RPA3: variants seen among roughly 807,000 people sequenced by gnomAD.
RPA3 encodes the protein replication protein A 14 kDa subunit.
A neutral mutation model predicts 13.7 loss-of-function variants in RPA3; 24 were observed. The observed-to-expected ratio is 1.75, with a 90% confidence interval of 1.27 to 2.46. The LOEUF is 2.46. Among genes scored for constraint, RPA3 ranks in the 30% most tolerant of loss-of-function variants. The pLI, the probability that RPA3 is intolerant of heterozygous loss-of-function variation, is 0.00. For synonymous variants in RPA3, 59 were observed against 51.2 expected (o/e 1.15, Z -0.65); for missense variants, 183 against 151.0 (o/e 1.21, Z -1.11).
chr7:7,714,789 G>C (rs1345914497), intron 2 of RPA3, among the ~76,000 whole-genome samples: 1 of 151,952 alleles, frequency 6.6e-6, no homozygotes, highest in Non-Finnish European at 1.5e-5. Flanking sequence ...AGGATTTAGG[G>C]TGTTGGGCAC....
intron 4 of RPA3, among the ~76,000 whole-genome samples, chr7:7,660,845 C>T (rs1241593891): frequency 1.3e-5 from 2 of 152,146 alleles, no homozygotes; most frequent in African/African-American, 2.4e-5. Context: ...TGAATGTTGG[C>T]CTGTCTTGCT....
chr7:7,640,595 A>G lies in RPA3; in HGVS notation c.-177T>C. 1 of 628,716 alleles carries G rather than the reference A, an allele frequency of 1.6e-6. No individual in the cohort carries two copies. Among genetic ancestry groups the G allele is most frequent in the South Asian group, 1.8e-5 (1 of 54,788 alleles). The allele number at this position is 628,716 out of a possible 1,614,324, so 38.9% of individuals were successfully genotyped here. A position where few individuals can be genotyped will look rare whatever the true frequency, so the allele number is the denominator to read the frequency against. ...ATCGCGCTGTCTCTGAAAGGGGTGGAGAAGGGGCTGGATGAGTCCGGAAGT... is the reference window on the plus strand; with the variant it reads ...ATCGCGCTGTCTCTGAAAGGGGTGGGGAAGGGGCTGGATGAGTCCGGAAGT... On this transcript the variant is annotated 5_prime_UTR_variant, in exon 5 of 8. Coordinates refer to ENST00000223129, the MANE Select transcript of RPA3 (RefSeq NM_002947.5).
chr7:7,689,934 T>C (rs1009240462), intron 2 of RPA3, among the ~76,000 whole-genome samples: 5 of 152,210 alleles, frequency 3.3e-5, no homozygotes, highest in Admixed American at 2.6e-4. Flanking sequence ...GCTCACATAA[T>C]AGTTTGCTAC....
At chr7:7,670,235 G>T (rs565888186) in intron 4 of RPA3, among the ~76,000 whole-genome samples, 2 of 152,224 alleles carry the variant, frequency 1.3e-5, no homozygotes, top group East Asian at 3.9e-4. Context: ...TGTGATATCC[G>T]TGTTTGTTCC....
At chr7:7,706,600 C>T (rs577507204) in intron 2 of RPA3, among the ~76,000 whole-genome samples, 31 of 152,206 alleles carry the variant, frequency 2.0e-4, no homozygotes, top group African/African-American at 6.7e-4. Context: ...CATCCAAAGG[C>T]ACATACTAGT....
chr7:7,685,938 C>G lies in RPA3; in HGVS notation c.-866G>C, dbSNP rs1360101052. The G allele has an allele frequency of 6.6e-6, 1 of 152,170 alleles. No individual in the cohort carries two copies. The highest frequency in any genetic ancestry group is 2.4e-5 in the African/African-American group (1 of 41,432). The allele number at this position is 152,170 out of a possible 1,614,324, so 9.4% of individuals were successfully genotyped here. ...AAGTGAACATTCTTGAGCACTTTCT[C>G]TATCCCAGGTGCTCTCCTGCTTGGT... On this transcript the variant is annotated 5_prime_UTR_variant, in exon 4 of 8. An upstream open reading frame in the 5' UTR loses its in-frame stop. Coordinates refer to ENST00000223129, the MANE Select transcript of RPA3 (RefSeq NM_002947.5).
At chr7:7,658,990 A>T (rs1785410649) in intron 4 of RPA3, among the ~76,000 whole-genome samples, 1 of 152,092 alleles carries the variant, frequency 6.6e-6, no homozygotes, top group African/African-American at 2.4e-5. Context: ...AGAACTTGTT[A>T]TTGGTCTATT....
chr7:7,710,723 A>G (rs183432608), intron 2 of RPA3, among the ~76,000 whole-genome samples: 1 of 152,242 alleles, frequency 6.6e-6, no homozygotes, highest in Non-Finnish European at 1.5e-5. Flanking sequence ...TTGAAGACGT[A>G]TATGTGCATA....
At chr7:7,676,556 A>C (rs1381231038) in intron 4 of RPA3, among the ~76,000 whole-genome samples, 2 of 152,192 alleles carry the variant, frequency 1.3e-5, no homozygotes, top group African/African-American at 4.8e-5. Flanking sequence ...TTTTAAAAAA[A>C]GTTGTATTCT....
chr7:7,671,337 G>A (rs1779600786), intron 4 of RPA3, among the ~76,000 whole-genome samples: 1 of 152,068 alleles, frequency 6.6e-6, no homozygotes, highest in African/African-American at 2.4e-5. Context: ...GGCTCCACAA[G>A]GCTTCAGTTG....
At chr7:7,699,841 C>T (rs952957196) in intron 2 of RPA3, among the ~76,000 whole-genome samples, 1 of 152,172 alleles carries the variant, frequency 6.6e-6, no homozygotes, top group Non-Finnish European at 1.5e-5. Context: ...ATGGTAAGAA[C>T]TCTAAACTGA....
intron 4 of RPA3, among the ~76,000 whole-genome samples, chr7:7,665,844 G>A (rs1201782104): frequency 3.4e-5 from 5 of 146,858 alleles, no homozygotes; most frequent in Non-Finnish European, 7.5e-5. Context: ...TTTTGAGATC[G>A]TTGCATGTTG....
intron 1 of RPA3, 112 bp from the exon 2 acceptor site, chr7:7,715,338 T>C (rs1780874379): frequency 6.6e-6 from 1 of 152,202 alleles, no homozygotes; most frequent in Non-Finnish European, 1.5e-5. Flanking sequence ...GAGTTGACCA[T>C]AGACCTTATA....
At position 7,637,901 on chromosome 7, in the gene RPA3, T is replaced by C; in HGVS notation, c.246A>G (p.Thr82=). The C allele has an allele frequency of 6.2e-7, 1 of 1,613,598 alleles. No individual in the cohort carries two copies. The highest frequency in any genetic ancestry group is 8.5e-7 in the Non-Finnish European group (1 of 1,179,710). The part of the protein sequence containing the change: ...RVTAKATILC[T]SYVQFKEDSH... The stretch of plus-strand genomic sequence containing the variant: ...TATCTTCTTTAAACTGGACATAAGA[T>C]GTACACAAGATGGTGGCCTTGGCGG... The change falls in exon 7 of 8, where the codon ACA becomes ACG. Residue 82 remains threonine (T), a synonymous_variant. Transcript: ENST00000223129.
intron 4 of RPA3, among the ~76,000 whole-genome samples, chr7:7,667,722 A>C (rs1310478574): frequency 1.3e-5 from 2 of 152,244 alleles, no homozygotes; most frequent in Admixed American, 6.5e-5. Flanking sequence ...AAATGGAATT[A>C]ATCAAATGTA....
chr7:7,669,018 A>C (rs984484659), intron 4 of RPA3, among the ~76,000 whole-genome samples: 4 of 152,088 alleles, frequency 2.6e-5, no homozygotes, highest in Non-Finnish European at 5.9e-5. Flanking sequence ...GAGAAAACCC[A>C]CACAGACGTA....
chr7:7,642,117 G>A (rs1013779275), intron 4 of RPA3, among the ~76,000 whole-genome samples: 20 of 152,058 alleles, frequency 1.3e-4, no homozygotes, highest in Non-Finnish European at 2.4e-4. Flanking sequence ...ATAGGGGAGA[G>A]TACACACATC....
chr7:7,640,239 C>G, intron 5 of RPA3, 81 bp downstream of exon 5: 1 of 1,429,230 alleles, frequency 7.0e-7, no homozygotes, highest in Non-Finnish European at 9.9e-7. Context: ...GGCTTTCCGT[C>G]CTTTTTCATC....
At chr7:7,711,573 T>G (rs1350923731) in intron 2 of RPA3, among the ~76,000 whole-genome samples, 1 of 152,184 alleles carries the variant, frequency 6.6e-6, no homozygotes, top group Non-Finnish European at 1.5e-5. Flanking sequence ...GTATCTTGTG[T>G]TTTTAATTTA....
Sources: gnomAD v4.1 joint callset for allele counts (sites outside exome capture counted in the v4.1 genomes callset) on GRCh38, gnomAD v4.1.1 for gene constraint, MANE v1.5 for transcripts, NCBI Gene and HGNC (gene_info 2026-07-23, HGNC 2026-07-21) for gene names.